CFAP221: variants seen among roughly 807,000 people sequenced by gnomAD.
The protein encoded by CFAP221 is cilia and flagella associated protein 221, also known as cilia- and flagella-associated protein 221.
CFAP221 carries 97 observed loss-of-function variants against 113.1 expected under a neutral mutation model. The ratio of observed to expected loss-of-function variants is 0.86; its 90% confidence interval spans 0.73 to 1.02. The LOEUF (loss-of-function observed/expected upper bound fraction) is 1.02, where lower values mean the gene tolerates loss of function less well. CFAP221 is among the 50% of genes least tolerant of loss of function. CFAP221 has a pLI of 0.00. For missense variants in CFAP221, 1,025 were observed against 1,013.4 expected (o/e 1.01, Z -0.16); for synonymous variants, 331 against 354.4 (o/e 0.93, Z 0.74).
At chr2:119,607,240 GC>G (rs1221923916) in intron 11 of CFAP221, among the ~76,000 whole-genome samples, 1 of 152,144 alleles carries the variant, frequency 6.6e-6, no homozygotes, top group African/African-American at 2.4e-5. Context: ...CAATCCACTA[GC>G]CCTGGCCTCC....
At chr2:119,563,307 A>G (rs1681392405) in intron 6 of CFAP221, among the ~76,000 whole-genome samples, 1 of 152,230 alleles carries the variant, frequency 6.6e-6, no homozygotes, top group Non-Finnish European at 1.5e-5. Context: ...TAATAATGAC[A>G]AGGCAAAAAG....
chr2:119,549,050 G>T, intron 2 of CFAP221, 35 bp from the exon 3 acceptor site: 1 of 1,312,042 alleles, frequency 7.6e-7, no homozygotes, highest in Non-Finnish European at 1.0e-6. Context: ...TTTCTTTGAT[G>T]TCTCATGATG....
intron 22 of CFAP221, among the ~76,000 whole-genome samples, chr2:119,649,942 T>C (rs1688029038): frequency 6.6e-6 from 1 of 152,170 alleles, no homozygotes. Context: ...TCTTAACACA[T>C]AAAAACTTTT....
intron 9 of CFAP221, 24 bp from the exon 10 acceptor site, chr2:119,604,852 T>G (rs1311987757): frequency 6.2e-7 from 1 of 1,612,882 alleles, no homozygotes; most frequent in African/African-American, 1.3e-5. Context: ...ACTAACTGAT[T>G]TCCCTATTGA....
intron 6 of CFAP221, among the ~76,000 whole-genome samples, chr2:119,570,036 G>A (rs1221472288): frequency 6.6e-6 from 1 of 152,124 alleles, no homozygotes; most frequent in South Asian, 2.1e-4. Flanking sequence ...TTGCCTTTTA[G>A]TATGTCTTGT....
At chr2:119,650,981 T>G (rs1186130441) in intron 22 of CFAP221, among the ~76,000 whole-genome samples, 1 of 152,226 alleles carries the variant, frequency 6.6e-6, no homozygotes, top group Non-Finnish European at 1.5e-5. Flanking sequence ...TAATTGAGTG[T>G]GGTGGAGATG....
chr2:119,620,748 A>G (rs1391653088), intron 14 of CFAP221, among the ~76,000 whole-genome samples: 2 of 152,190 alleles, frequency 1.3e-5, no homozygotes, highest in Non-Finnish European at 2.9e-5. Context: ...AACAATATTA[A>G]TCTTAAATGT....
intron 6 of CFAP221, chr2:119,572,792 C>T (rs1682161478): frequency 1.9e-6 from 1 of 534,468 alleles, no homozygotes; most frequent in African/African-American, 1.9e-5. Context: ...CCGCCATGGG[C>T]TCCTGCAGCA....
intron 3 of CFAP221, among the ~76,000 whole-genome samples, chr2:119,557,958 C>CA (rs11286852): frequency 0.028 from 2,941 of 103,856 alleles, 95 homozygotes; most frequent in African/African-American, 0.086. Flanking sequence ...GACTCCGTCT[C>CA]AAAAAAAAAA....
At chr2:119,658,041 T>A (rs186806177), downstream of CFAP221, among the ~76,000 whole-genome samples, 1 of 152,318 alleles carries the variant, frequency 6.6e-6, no homozygotes, top group Non-Finnish European at 1.5e-5. Flanking sequence ...GCAAACATCC[T>A]GTTTCTCCTC....
intron 6 of CFAP221, among the ~76,000 whole-genome samples, chr2:119,574,834 A>G (rs545886400): frequency 9.5e-4 from 145 of 152,364 alleles, no homozygotes; most frequent in African/African-American, 3.5e-3. Context: ...AATTTCTTAA[A>G]TAATTTTTTA....
intron 6 of CFAP221, among the ~76,000 whole-genome samples, chr2:119,575,987 G>T: frequency 6.6e-6 from 1 of 151,926 alleles, no homozygotes; most frequent in Non-Finnish European, 1.5e-5. Flanking sequence ...TAAATTTCTG[G>T]GACAGAGGTG....
chr2:119,639,182 G>T (rs1038786767), intron 20 of CFAP221, among the ~76,000 whole-genome samples: 2 of 152,276 alleles, frequency 1.3e-5, no homozygotes, highest in Middle Eastern at 3.4e-3. Flanking sequence ...TCCCTTCAGA[G>T]AAATCTTCCT....
chr2:119,563,947 A>C (rs1681440768), intron 6 of CFAP221, among the ~76,000 whole-genome samples: 1 of 152,180 alleles, frequency 6.6e-6, no homozygotes, highest in African/African-American at 2.4e-5. Flanking sequence ...CTTGCAGGTG[A>C]TGAATGGCCA....
At chr2:119,551,350 C>T (rs907209282) in intron 3 of CFAP221, among the ~76,000 whole-genome samples, 1 of 152,172 alleles carries the variant, frequency 6.6e-6, no homozygotes, top group African/African-American at 2.4e-5. Flanking sequence ...AAACAACTAA[C>T]AAAGTCATAA....
In CFAP221 at chr2:119,610,651, G is replaced by A. The variant is rs114180998; in HGVS notation, c.1222-1002G>A. On this transcript the variant is annotated intron_variant, in intron 12 of 23. Coordinates refer to ENST00000413369, the MANE Select transcript of CFAP221 (RefSeq NM_001271049.2). ...AGTCTCAAACTCAACTTCCCAATAT[G>A]TGCCAATCAGAGCTAGGCAGCTCAC... 4.1e-3 allele frequency among the ~76,000 whole-genome samples: 620 copies of A among 152,214 alleles called. 2 individuals are homozygous for A. Among genetic ancestry groups the A allele is most frequent in the Middle Eastern group, 6.8e-3 (2 of 294 alleles).
chr2:119,659,504 C>T (rs1688547807), downstream of CFAP221, among the ~76,000 whole-genome samples: 1 of 152,298 alleles, frequency 6.6e-6, no homozygotes, highest in Admixed American at 6.5e-5. Flanking sequence ...ATCATTCCTT[C>T]TCATTCCCAA....
intron 22 of CFAP221, among the ~76,000 whole-genome samples, chr2:119,651,644 C>A (rs966661232): frequency 1.3e-5 from 2 of 152,174 alleles, no homozygotes; most frequent in Admixed American, 1.3e-4. Context: ...CTTTTGAAAT[C>A]TTTCAGGCTT....
intron 14 of CFAP221, among the ~76,000 whole-genome samples, chr2:119,621,259 C>G (rs1685897882): frequency 6.6e-6 from 1 of 151,070 alleles, no homozygotes; most frequent in African/African-American, 2.4e-5. Context: ...CAATCCTAGG[C>G]TCTGATAAAA....
Sources: gnomAD v4.1 joint callset for allele counts (sites outside exome capture counted in the v4.1 genomes callset) on GRCh38, gnomAD v4.1.1 for gene constraint, MANE v1.5 for transcripts, NCBI Gene and HGNC (gene_info 2026-07-23, HGNC 2026-07-21) for gene names.